Variants in SNRPN observed in about 807,000 individuals in gnomAD.
SNRPN encodes small nuclear ribonucleoprotein-associated protein N.
Under a neutral mutation model 25.2 loss-of-function variants are expected in SNRPN, and 7 were observed. The observed-to-expected ratio is 0.28, with a 90% confidence interval of 0.16 to 0.52. The LOEUF is 0.52. Among genes scored for constraint, SNRPN ranks in the 20% least tolerant of loss-of-function variants. The probability of loss-of-function intolerance (pLI) is 0.96; values close to 1 mark genes in which losing one functional copy is unlikely to be tolerated. For synonymous variants in SNRPN, 124 were observed against 110.6 expected, an observed-to-expected ratio of 1.12 and a Z score of -0.76; for missense variants, 196 against 322.5, an observed-to-expected ratio of 0.61 and a Z score of 3.00.
At chr15:24,853,583 C>A (rs142803268), upstream of SNRPN, among the ~76,000 whole-genome samples, 3 of 152,036 alleles carry the variant, frequency 2.0e-5, no homozygotes, top group African/African-American at 7.2e-5. Context: ...TTAGTGGAGA[C>A]GGGGTTTCAC....
chr15:24,946,472 G>GT (rs200177946), intron 3 of SNRPN, among the ~76,000 whole-genome samples: 6,065 of 152,156 alleles, frequency 0.04, 417 homozygotes, highest in African/African-American at 0.14. Flanking sequence ...GTTTTGTTTT[G>GT]TTTTTTTGAG....
At chr15:24,878,140 C>A (rs180845559) in intron 1 of SNRPN, among the ~76,000 whole-genome samples, 2 of 152,292 alleles carry the variant, frequency 1.3e-5, no homozygotes, top group East Asian at 3.9e-4. Context: ...ACAAAATGAA[C>A]GGGACTTCTT....
chr15:24,945,870 C>A (rs2061852326), intron 3 of SNRPN, among the ~76,000 whole-genome samples: 1 of 152,160 alleles, frequency 6.6e-6, no homozygotes, highest in East Asian at 1.9e-4. Flanking sequence ...CAAGGCTGTC[C>A]CTTGCCTGCT....
chr15:24,918,596 GTA>G (rs1347831806), intron 2 of SNRPN, among the ~76,000 whole-genome samples: 1,279 of 85,748 alleles, frequency 0.015, 258 homozygotes, highest in African/African-American at 0.056. Flanking sequence ...TAATATATAT[GTA>G]TATATATAAC....
intron 3 of SNRPN, among the ~76,000 whole-genome samples, chr15:24,936,805 A>G (rs1313551168): frequency 6.6e-6 from 1 of 152,136 alleles, no homozygotes; most frequent in African/African-American, 2.4e-5. Flanking sequence ...CACGTCCAAC[A>G]TTGGGGATTA....
At chr15:24,954,808 G>C (rs774078794), upstream of SNRPN, 3 of 598,358 alleles carry the variant, frequency 5.0e-6, no homozygotes, top group East Asian at 8.4e-5. Context: ...CATTGCAACA[G>C]TGCTGTGGGG....
chr15:24,905,622 C>A (rs2058753954), intron 2 of SNRPN, among the ~76,000 whole-genome samples: 2 of 152,018 alleles, frequency 1.3e-5, no homozygotes, highest in South Asian at 4.2e-4. Context: ...TTTGTTGGGA[C>A]TTGGTAGAAG....
At chr15:24,851,056 G>C (rs1333705523) in intron 2 of SNRPN, 1 of 151,946 alleles carries the variant, frequency 6.6e-6, no homozygotes, top group African/African-American at 2.4e-5. Context: ...ATGTAGCTGG[G>C]ACCACAGGCA....
chr15:24,861,095 T>C (rs1352883642), intron 1 of SNRPN, among the ~76,000 whole-genome samples: 1 of 152,068 alleles, frequency 6.6e-6, no homozygotes, highest in African/African-American at 2.4e-5. Context: ...GGCAACAGAG[T>C]GAGACCCCAT....
rs1284980918 is a variant in SNRPN at position 24,974,345 on chromosome 15, G to T, written c.-109G>T. The T allele has an allele frequency of 6.2e-6, 6 of 974,538 alleles. No individual in the cohort carries two copies. The highest frequency in any genetic ancestry group is 1.0e-5 in the Non-Finnish European group (6 of 598,328). 60.4% of individuals were successfully genotyped at this position (974,538 alleles called of 1,614,324 possible). A position where few individuals can be genotyped will look rare whatever the true frequency, so the allele number is the denominator to read the frequency against. On this transcript the variant is annotated 5_prime_UTR_variant, in exon 4 of 10. Transcript: ENST00000390687. ...ACTCTTTGAAGCTTCTGCCCAGCTT[G>T]CATTGTTTCTAGGAGAACCTGCGTC... is the stretch of plus-strand genomic sequence containing the variant.
chr15:24,864,266 G>C (rs2147956389), intron 1 of SNRPN, among the ~76,000 whole-genome samples: 1 of 139,932 alleles, frequency 7.1e-6, no homozygotes, highest in South Asian at 2.1e-4. Flanking sequence ...CTGACCTTGT[G>C]ATCCGCCCGC....
chr15:24,878,927 C>T (rs2056302196), intron 1 of SNRPN, among the ~76,000 whole-genome samples: 4 of 151,964 alleles, frequency 2.6e-5, no homozygotes. Flanking sequence ...GTAGAGGCTT[C>T]AGGGTCACAC....
intron 1 of SNRPN, among the ~76,000 whole-genome samples, chr15:24,870,502 AC>A (rs2054991210): frequency 6.6e-6 from 1 of 152,118 alleles, no homozygotes; most frequent in Admixed American, 6.6e-5. Flanking sequence ...CTTGGTTGTA[AC>A]CCCCACTCTA....
intron 2 of SNRPN, among the ~76,000 whole-genome samples, chr15:24,964,986 G>A (rs955074396): frequency 1.3e-5 from 2 of 152,188 alleles, no homozygotes; most frequent in African/African-American, 4.8e-5. Flanking sequence ...TGAGTAAAGT[G>A]TAGAGTTAGG....
At chr15:24,840,273 G>C (rs2051579554) in intron 2 of SNRPN, among the ~76,000 whole-genome samples, 1 of 152,156 alleles carries the variant, frequency 6.6e-6, no homozygotes, top group Admixed American at 6.5e-5. Context: ...CAGGAGAATT[G>C]CTTGAACCCG....
At chr15:24,940,600 T>G (rs1019534412) in intron 3 of SNRPN, among the ~76,000 whole-genome samples, 43 of 152,210 alleles carry the variant, frequency 2.8e-4, no homozygotes, top group African/African-American at 8.9e-4. Context: ...AGTCTTTACA[T>G]TTCAGAATCA....
rs572417514 is a variant in SNRPN, at chr15:24,926,658, G to A, written c.-391+6534G>A. Among the ~76,000 whole-genome samples the A allele has an allele frequency of 1.1e-4, 16 of 151,542 alleles. No homozygotes were observed. In the South Asian group the frequency reaches 3.3e-3, roughly 32 times the overall value. ...CTTTTTAACAAATAGATGTATCCAT[G>A]CTATTTTATTTTAAATTTTTACTTT... is the stretch of plus-strand genomic sequence containing the variant. On this transcript the variant is annotated intron_variant, in intron 3 of 11. Coordinates refer to the SNRPN transcript ENST00000400097.
intron 2 of SNRPN, among the ~76,000 whole-genome samples, chr15:24,887,684 C>T (rs890196556): frequency 2.0e-5 from 3 of 152,118 alleles, no homozygotes; most frequent in Non-Finnish European, 4.4e-5. Flanking sequence ...GGAATAGCTG[C>T]CTTTGGGGGC....
chr15:24,908,390 C>T (rs776703020), intron 2 of SNRPN, among the ~76,000 whole-genome samples: 1 of 151,928 alleles, frequency 6.6e-6, no homozygotes, highest in Non-Finnish European at 1.5e-5. Flanking sequence ...TGCATTAAGG[C>T]GATTCTGACG....
Sources: allele counts gnomAD v4.1 joint callset (sites outside exome capture counted in the v4.1 genomes callset), GRCh38; gene constraint gnomAD v4.1.1; transcripts MANE v1.5; gene names NCBI Gene and HGNC (gene_info 2026-07-23, HGNC 2026-07-21).